The following CEACAM21 variants were observed in gnomAD, a reference collection of about 807,000 sequenced individuals.
CEACAM21 encodes the protein CEA cell adhesion molecule 21, also known as cell adhesion molecule CEACAM21.
Under a neutral mutation model 33.2 loss-of-function variants are expected in CEACAM21, and 38 were observed. That is an observed-to-expected ratio of 1.14 (90% CI 0.88 to 1.50). CEACAM21 has a LOEUF of 1.50. Among genes scored for constraint, CEACAM21 ranks in the 40% most tolerant of loss-of-function variants. CEACAM21 has a pLI of 0.00. For synonymous variants in CEACAM21, 156 were observed against 143.0 expected, an observed-to-expected ratio of 1.09 and a Z score of -0.65; for missense variants, 385 against 364.6, an observed-to-expected ratio of 1.06 and a Z score of -0.46.
intron 1 of CEACAM21, among the ~76,000 whole-genome samples, chr19:41,561,399 A>G (rs2041873032): frequency 6.6e-6 from 1 of 152,122 alleles, no homozygotes; most frequent in East Asian, 1.9e-4. Context: ...TTGAAAGACA[A>G]TAAACAATAA....
At chr19:41,555,208 A>T (rs1240075665) in intron 1 of CEACAM21, 1 of 151,840 alleles carries the variant, frequency 6.6e-6, no homozygotes, top group Non-Finnish European at 1.5e-5. Context: ...TTCTTTGCAC[A>T]GGTATCCAAC....
chr19:41,570,494 C>A (rs1600214615), intron 2 of CEACAM21, among the ~76,000 whole-genome samples: 1 of 152,132 alleles, frequency 6.6e-6, no homozygotes, highest in African/African-American at 2.4e-5. Flanking sequence ...CCCTCTCCTG[C>A]AATGCAAGAA....
intron 2 of CEACAM21, chr19:41,579,151 C>T: frequency 2.6e-6 from 2 of 766,628 alleles, no homozygotes; most frequent in Non-Finnish European, 4.2e-6. Context: ...TCTGAGGCAG[C>T]TGGGTCCTCC....
intron 2 of CEACAM21, chr19:41,565,573 C>T (rs1340857570): frequency 7.4e-6 from 1 of 134,700 alleles, no homozygotes; most frequent in Admixed American, 8.3e-5. Flanking sequence ...CACAGACAGG[C>T]TAGAGCAGCG....
At chr19:41,556,676 C>T (rs1555785703) in intron 1 of CEACAM21, among the ~76,000 whole-genome samples, 1 of 152,170 alleles carries the variant, frequency 6.6e-6, no homozygotes, top group Non-Finnish European at 1.5e-5. Context: ...GGCGCTGGGG[C>T]CCTGACTGGG....
At chr19:41,571,336 C>T (rs574343595), upstream of CEACAM21, among the ~76,000 whole-genome samples, 8 of 152,310 alleles carry the variant, frequency 5.3e-5, no homozygotes, top group East Asian at 1.5e-3. Flanking sequence ...CAGGAGAAGG[C>T]ATGTTTAGAG....
chr19:41,567,656 C>T (rs1555788601), intron 2 of CEACAM21, among the ~76,000 whole-genome samples: 1 of 152,092 alleles, frequency 6.6e-6, no homozygotes, highest in Non-Finnish European at 1.5e-5. Context: ...ATTTGGTTAC[C>T]ACCTCTATTT....
chr19:41,577,698 A>G, intron 2 of CEACAM21, 139 bp downstream of exon 2: 1 of 1,234,106 alleles, frequency 8.1e-7, no homozygotes, highest in Admixed American at 2.3e-5. Flanking sequence ...TGCAGGACAC[A>G]CCCAGGGGAG....
At chr19:41,557,463 T>C (rs2041605762) in intron 1 of CEACAM21, among the ~76,000 whole-genome samples, 3 of 152,156 alleles carry the variant, frequency 2.0e-5, no homozygotes, top group South Asian at 4.1e-4. Context: ...AATTGTGATG[T>C]GGGGTCCTGT....
chr19:41,561,027 C>T (rs947052979), intron 1 of CEACAM21, among the ~76,000 whole-genome samples: 1 of 152,126 alleles, frequency 6.6e-6, no homozygotes, highest in East Asian at 1.9e-4. Flanking sequence ...TTATAATTTA[C>T]AGATGACATT....
chr19:41,576,030 A>C, upstream of CEACAM21: 1 of 574,174 alleles, frequency 1.7e-6, no homozygotes, highest in Non-Finnish European at 3.1e-6. Flanking sequence ...TAGGGAACCA[A>C]ATATAGGCAA....
intron 1 of CEACAM21, among the ~76,000 whole-genome samples, chr19:41,556,950 A>G (rs986556937): frequency 1.3e-5 from 2 of 152,208 alleles, no homozygotes; most frequent in Non-Finnish European, 1.5e-5. Flanking sequence ...AGGAATCTAA[A>G]ATCTTTTTAT....
At chr19:41,560,118 C>G (rs1168776593) in intron 1 of CEACAM21, among the ~76,000 whole-genome samples, 1 of 152,202 alleles carries the variant, frequency 6.6e-6, no homozygotes, top group Non-Finnish European at 1.5e-5. Flanking sequence ...TTACAGAGTT[C>G]TCCCATTATT....
Position 41,585,474 on chromosome 19 carries a change from C to G in CEACAM21, c.829C>G (p.Gln277Glu). The change falls in exon 5 of 7, where the codon CAG (glutamine) becomes GAG (glutamate). Residue 277 changes from glutamine to glutamate, a missense_variant. Gln to Glu is a conservative substitution (Grantham distance 29, BLOSUM62 2). Coordinates refer to ENST00000401445, the MANE Select transcript of CEACAM21 (RefSeq NM_001098506.4). ...CGATCAGAGTGACTTCAGGGAGCAG[C>G]AGCCCCCAGCCTCCACCCCCGGTGA... ...ASDQSDFREQ[Q>E]PPASTPGHGP... 1 of 1,613,852 alleles carries G rather than the reference C, an allele frequency of 6.2e-7. No individual in the cohort carries two copies. Among genetic ancestry groups the G allele is most frequent in the Non-Finnish European group, 8.5e-7 (1 of 1,179,808 alleles).
intron 4 of CEACAM21, among the ~76,000 whole-genome samples, chr19:41,584,945 G>C (rs555186139): frequency 1.3e-5 from 2 of 152,324 alleles, no homozygotes; most frequent in South Asian, 4.1e-4. Context: ...CTGGAATGTC[G>C]TTTATGTCTC....
chr19:41,585,850 C>T lies in CEACAM21; in HGVS notation c.861C>T (p.Pro287=). Residue 287 remains proline, a synonymous_variant, in exon 6 of 7, where the codon CCC becomes CCT. Coordinates refer to ENST00000401445, the MANE Select transcript of CEACAM21 (RefSeq NM_001098506.4). The part of the protein sequence containing the change: ...QPPASTPGHG[P]SDSSIS ...TGTCTCTGTCCCCAGGCCATGGACC[C>T]TCTGACAGCTCCATCTCCTAGGTAA... 1 of 1,612,964 alleles carries T rather than the reference C, an allele frequency of 6.2e-7. No homozygotes were observed. The highest frequency in any genetic ancestry group is 8.5e-7 in the Non-Finnish European group (1 of 1,179,492).
At chr19:41,558,414 G>A (rs1399961930) in intron 1 of CEACAM21, among the ~76,000 whole-genome samples, 3 of 152,130 alleles carry the variant, frequency 2.0e-5, no homozygotes, top group Non-Finnish European at 2.9e-5. Flanking sequence ...TTGGGAGGCC[G>A]AGGCAGGTAG....
intron 1 of CEACAM21, among the ~76,000 whole-genome samples, chr19:41,559,924 G>A (rs781788721): frequency 1.3e-5 from 2 of 152,158 alleles, no homozygotes; most frequent in East Asian, 3.9e-4. Flanking sequence ...TAGTGAGCCA[G>A]GATCAGGCCT....
intron 1 of CEACAM21, among the ~76,000 whole-genome samples, chr19:41,553,304 G>A (rs7257565): frequency 0.28 from 41,794 of 151,022 alleles, 6,225 homozygotes; most frequent in East Asian, 0.43. Context: ...GGGTTTCACC[G>A]TGTTGGCCAG....
Sources: gnomAD v4.1 joint callset for allele counts (sites outside exome capture counted in the v4.1 genomes callset) on GRCh38, gnomAD v4.1.1 for gene constraint, MANE v1.5 for transcripts, NCBI Gene and HGNC (gene_info 2026-07-23, HGNC 2026-07-21) for gene names.